The following SPTB variants were observed in gnomAD, a reference collection of about 807,000 sequenced individuals.
The protein encoded by SPTB is spectrin beta chain, erythrocytic.
Under a neutral mutation model 256.2 loss-of-function variants are expected in SPTB, and 45 were observed. The observed-to-expected ratio is 0.18, with a 90% CI of 0.14 to 0.23. The LOEUF is 0.23. Ranked by LOEUF, SPTB falls within the 10% of genes least tolerant of loss-of-function variation. The pLI, the probability that SPTB is intolerant of heterozygous loss-of-function variation, is 1.00. For synonymous variants in SPTB, 1,231 were observed against 1,243.1 expected (o/e 0.99, Z 0.21); for missense variants, 2,715 against 3,040.4 (o/e 0.89, Z 2.52).
At chr14:64,801,967 C>A in intron 5 of SPTB, 133 bp from the exon 6 acceptor site, 1 of 929,484 alleles carries the variant, frequency 1.1e-6, no homozygotes, top group Non-Finnish European at 1.7e-6. Context: ...CAAGAGGGGG[C>A]AGCAGCTAAC....
At chr14:64,868,074 ACTT>A (rs1202919536) in intron 1 of SPTB, among the ~76,000 whole-genome samples, 2 of 152,074 alleles carry the variant, frequency 1.3e-5, no homozygotes, top group African/African-American at 4.8e-5. Context: ...GCCCCTTTAC[ACTT>A]CATTTTGGGG....
chr14:64,794,516 G>T lies in SPTB; in HGVS notation c.1746C>A (p.Asp582Glu), dbSNP rs766762166. The change falls in exon 13 of 36, where the codon GAC (aspartate) becomes GAA (glutamate). Residue 582 changes from aspartate (D) to glutamate (E), a missense_variant. By Grantham distance (45) the Asp-to-Glu change is conservative. Coordinates refer to ENST00000644917, the MANE Select transcript of SPTB (RefSeq NM_001355436.2). ...TGGCTGCGGTGATGGCCTTCACTTT[G>T]TCCCCTTGGATGGCGATGTCAGCTT... is the stretch of plus-strand genomic sequence containing the variant. ...LMEADIAIQG[D>E]KVKAITAATL... is the part of the protein sequence containing the mutation. 6 of 1,614,060 alleles carry T rather than the reference G, an allele frequency of 3.7e-6. No homozygotes were observed. The highest frequency in any genetic ancestry group is 5.1e-6 in the Non-Finnish European group (6 of 1,180,048).
At chr14:64,865,228 T>C (rs1594856194) in intron 1 of SPTB, among the ~76,000 whole-genome samples, 1 of 151,884 alleles carries the variant, frequency 6.6e-6, no homozygotes, top group East Asian at 1.9e-4. Flanking sequence ...CAAAATACAC[T>C]GCTCACCAGA....
At position 64,782,276 on chromosome 14, in the gene SPTB, A is replaced by G. The variant is rs1408020635; in HGVS notation, c.4266+14T>C. On this transcript the variant is annotated intron_variant, in intron 20 of 35. Transcript: ENST00000644917. Reference sequence around the variant, plus strand: ...TCTATCCTAACACTCTGAGTCTACAACCCACTCACGTGCCTTCAGCTTAGC... The same window carrying G: ...TCTATCCTAACACTCTGAGTCTACAGCCCACTCACGTGCCTTCAGCTTAGC... 11 of 1,614,018 alleles carry G rather than the reference A, an allele frequency of 6.8e-6. No individual in the cohort carries two copies. The highest frequency in any genetic ancestry group is 1.3e-5 in the African/African-American group (1 of 74,908).
intron 1 of SPTB, among the ~76,000 whole-genome samples, chr14:64,846,087 G>A (rs1378992303): frequency 6.6e-6 from 1 of 152,230 alleles, no homozygotes. Context: ...TGATCAGGAT[G>A]AAAGCAGAGA....
intron 2 of SPTB, among the ~76,000 whole-genome samples, chr14:64,808,543 T>C (rs141349713): frequency 2.4e-4 from 36 of 152,258 alleles, no homozygotes; most frequent in African/African-American, 8.7e-4. Flanking sequence ...AGTGAGTTTG[T>C]ACATGGAACG....
At chr14:64,843,668 A>C (rs230697) in intron 1 of SPTB, among the ~76,000 whole-genome samples, 1 of 152,168 alleles carries the variant, frequency 6.6e-6, no homozygotes, top group African/African-American at 2.4e-5. Context: ...TCTTTGAATA[A>C]AGGCCATCGC....
At chr14:64,815,486 G>A (rs2083173762) in intron 2 of SPTB, among the ~76,000 whole-genome samples, 2 of 152,192 alleles carry the variant, frequency 1.3e-5, no homozygotes, top group Admixed American at 6.5e-5. Context: ...TTCACAGAGT[G>A]GGTGAAGGGT....
At chr14:64,813,876 C>A (rs984909255) in intron 2 of SPTB, among the ~76,000 whole-genome samples, 3 of 152,196 alleles carry the variant, frequency 2.0e-5, no homozygotes, top group African/African-American at 7.2e-5. Context: ...CTCAATGACA[C>A]AGATGCCAAT....
At position 64,806,602 on chromosome 14, in the gene SPTB, C is replaced by T. The variant is rs555364969; in HGVS notation, c.149-1512G>A. 6.6e-6 allele frequency among the ~76,000 whole-genome samples: 1 copy of T among 152,344 alleles called. No individual in the cohort carries two copies. The highest frequency in any genetic ancestry group is 1.9e-4 in the East Asian group (1 of 5,186). On this transcript the variant is annotated intron_variant, in intron 2 of 35. Transcript: ENST00000644917. The surrounding 1 kb of genome is among the most constrained non-coding windows in gnomAD (Gnocchi z 4.1). ...TTCCTGAGGCTTGCTGCATCAGATG[C>T]CTTCCGGCTTCATGGCTATTTTGGT...
rs569146097 is a variant in SPTB, at chr14:64,826,062, C to T, written c.-51-2917G>A. On this transcript the variant is annotated intron_variant, in intron 1 of 35. Transcript: ENST00000644917. The surrounding 1 kb of genome is among the most constrained non-coding windows in gnomAD (Gnocchi z 4.4). The stretch of plus-strand genomic sequence containing the variant: ...GATGATTCAGAAATGAAAGTGAGGC[C>T]CCTTTCCTTGTGCCCTCTTCCCCTG... Among the ~76,000 whole-genome samples, 1 of 152,284 alleles carries T rather than the reference C, an allele frequency of 6.6e-6. No homozygotes were observed. Among genetic ancestry groups the T allele is most frequent in the Admixed American group, 6.5e-5 (1 of 15,286 alleles).
intron 28 of SPTB, 95 bp from the exon 29 acceptor site, chr14:64,769,213 G>T: frequency 8.2e-7 from 1 of 1,222,198 alleles, no homozygotes; most frequent in Non-Finnish European, 1.2e-6. Flanking sequence ...GCCAGGTTTG[G>T]TCCTACAGCC....
At chr14:64,752,811 T>C (rs571812117) in intron 33 of SPTB, among the ~76,000 whole-genome samples, 1 of 152,284 alleles carries the variant, frequency 6.6e-6, no homozygotes, top group Admixed American at 6.5e-5. Context: ...TCCCTGGGAA[T>C]ATGGCTGGCT....
rs144861393 is a variant in SPTB at position 64,798,318 on chromosome 14, G to C, written c.1065-472C>G. Among the ~76,000 whole-genome samples, 53 of 152,330 alleles carry C rather than the reference G, an allele frequency of 3.5e-4. 1 individual carries two copies. Among genetic ancestry groups the C allele is most frequent in the Admixed American group, 1.7e-3 (26 of 15,304 alleles). ...GGGAGAGCATCCTGCACTGAAAACA[G>C]CTTTCACCCAGGTCCTAATGAGCCA... On this transcript the variant is annotated intron_variant, in intron 9 of 35. Transcript: ENST00000644917.
In SPTB at chr14:64,796,856, A is replaced by G; in HGVS notation, c.1183-141T>C. The G allele has an allele frequency of 9.2e-7, 1 of 1,092,886 alleles. No homozygotes were observed. The highest frequency in any genetic ancestry group is 2.6e-5 in the East Asian group (1 of 38,732). 67.7% of individuals were successfully genotyped at this position (1,092,886 alleles called of 1,614,324 possible). A position where few individuals can be genotyped will look rare whatever the true frequency, so the allele number is the denominator to read the frequency against. On this transcript the variant is annotated intron_variant, in intron 10 of 35. Transcript: ENST00000644917. This position sits in a 1 kb window ranked among gnomAD's most constrained non-coding sequence, Gnocchi z 4.1. ...CTCTTGGGTGACGTGGTAGCAGATT[A>G]AAGATCAATAAAAGCCTTTGGCTTT...
Position 64,844,913 on chromosome 14 carries a change from C to A in SPTB, c.-51-21768G>T, listed in dbSNP as rs1416988802. Among the ~76,000 whole-genome samples the A allele has an allele frequency of 6.6e-6, 1 of 152,226 alleles. No homozygotes were observed. Among genetic ancestry groups the A allele is most frequent in the Non-Finnish European group, 1.5e-5 (1 of 68,046 alleles). ...CTTTGGAGATGGAGAAGAAGATGAT[C>A]TTCCTAAAACTTCTGAGCATTTCAT... On this transcript the variant is annotated intron_variant, in intron 1 of 35. Coordinates refer to ENST00000644917, the MANE Select transcript of SPTB (RefSeq NM_001355436.2). The surrounding 1 kb of genome is among the most constrained non-coding windows in gnomAD (Gnocchi z 4.1).
chr14:64,766,585 G>C lies in SPTB; in HGVS notation c.6345+141C>G, dbSNP rs902731465. ...AGGACGTAGCCTGCTCTGCTGGGAG[G>C]TGGCTGCAGGGATGTGGGGAGGATG... On this transcript the variant is annotated intron_variant, in intron 32 of 35. Transcript: ENST00000644917. The C allele has an allele frequency of 1.9e-6, 3 of 1,599,248 alleles. No individual in the cohort carries two copies. In the African/African-American group the frequency reaches 4.0e-5, roughly 21 times the overall value.
chr14:64,858,428 A>G (rs2083906558), intron 1 of SPTB, among the ~76,000 whole-genome samples: 1 of 152,194 alleles, frequency 6.6e-6, no homozygotes, highest in African/African-American at 2.4e-5. Context: ...GAGAAACTAG[A>G]AATTCGAGCA....
chr14:64,835,301 T>C, intron 1 of SPTB, among the ~76,000 whole-genome samples: 1 of 152,114 alleles, frequency 6.6e-6, no homozygotes, highest in East Asian at 1.9e-4. Context: ...CAGGCTGGAG[T>C]TCAGTGGTGC....
Sources: allele counts gnomAD v4.1 joint callset (sites outside exome capture counted in the v4.1 genomes callset), GRCh38; gene constraint gnomAD v4.1.1; non-coding constraint Gnocchi (gnomAD v3.1); transcripts MANE v1.5; gene names NCBI Gene and HGNC (gene_info 2026-07-23, HGNC 2026-07-21).